The following COBL variants were observed in gnomAD, a reference collection of about 807,000 sequenced individuals.
COBL encodes the protein protein cordon-bleu.
In COBL, 51 loss-of-function variants were observed where a neutral mutation model predicts 98.8. The ratio of observed to expected loss-of-function variants is 0.52; its 90% CI spans 0.41 to 0.65. The LOEUF is 0.65. Among genes scored for constraint, COBL ranks in the 30% least tolerant of loss-of-function variants. The probability of loss-of-function intolerance (pLI) is 0.00; values close to 1 mark genes in which losing one functional copy is unlikely to be tolerated. For missense variants in COBL, 1,617 were observed against 1,617.5 expected (o/e 1.00, Z 0.01); for synonymous variants, 634 against 651.7 (o/e 0.97, Z 0.41).
intron 1 of COBL, among the ~76,000 whole-genome samples, chr7:51,314,691 G>A (rs1405196940): frequency 6.6e-6 from 1 of 152,168 alleles, no homozygotes; most frequent in Non-Finnish European, 1.5e-5. Flanking sequence ...AACAATAGAA[G>A]TTAAAAATAA....
chr7:51,248,408 G>A (rs531568557), intron 1 of COBL, among the ~76,000 whole-genome samples: 1 of 152,100 alleles, frequency 6.6e-6, no homozygotes, highest in Non-Finnish European at 1.5e-5. Flanking sequence ...GGAGACACCA[G>A]CAAGACACTT....
chr7:51,226,572 A>G (rs1250422528), intron 1 of COBL, among the ~76,000 whole-genome samples: 2 of 151,556 alleles, frequency 1.3e-5, no homozygotes, highest in South Asian at 2.2e-4. Flanking sequence ...GTGAGTGAGT[A>G]AGTGAGTGAG....
intron 7 of COBL, among the ~76,000 whole-genome samples, chr7:51,081,098 C>T (rs192290614): frequency 6.0e-5 from 9 of 150,804 alleles, no homozygotes; most frequent in Non-Finnish European, 1.2e-4. Context: ...GGGGCAGGAG[C>T]GGGGCAGGAG....
intron 6 of COBL, among the ~76,000 whole-genome samples, chr7:51,099,123 T>C (rs1159957305): frequency 1.3e-5 from 2 of 150,960 alleles, no homozygotes; most frequent in Non-Finnish European, 2.9e-5. Context: ...AAACAAGTGT[T>C]GGTGAGGATG....
chr7:51,297,689 G>A (rs113365371), intron 1 of COBL, among the ~76,000 whole-genome samples: 1,630 of 152,142 alleles, frequency 0.011, 22 homozygotes, highest in African/African-American at 0.037. Flanking sequence ...CACCATGCCT[G>A]GCCTTGAAAA....
chr7:51,038,533 C>T (rs1000934078), intron 8 of COBL, among the ~76,000 whole-genome samples: 2 of 152,178 alleles, frequency 1.3e-5, no homozygotes, highest in African/African-American at 4.8e-5. Flanking sequence ...GGAGAAATAG[C>T]TAAGAAAACT....
chr7:51,039,136 A>G (rs1215376803), intron 8 of COBL, among the ~76,000 whole-genome samples: 3 of 152,302 alleles, frequency 2.0e-5, no homozygotes, highest in East Asian at 1.9e-4. Context: ...GCACAATGAA[A>G]GAGGAGCTTG....
intron 1 of COBL, among the ~76,000 whole-genome samples, chr7:51,229,070 C>T (rs1794473128): frequency 6.6e-6 from 1 of 152,168 alleles, no homozygotes; most frequent in Non-Finnish European, 1.5e-5. Context: ...GTTTGCTTTG[C>T]CCCCTAAAAG....
Position 51,085,152 on chromosome 7 carries a change from C to G in COBL, c.1096+14G>C. On this transcript the variant is annotated intron_variant, in intron 7 of 12. Transcript: ENST00000265136. ...GCATCCCCGCATGCAGACGGCAGGCCGAGCCTCACTCACCCATCGTGCTCT... is the reference window on the plus strand; with the variant it reads ...GCATCCCCGCATGCAGACGGCAGGCGGAGCCTCACTCACCCATCGTGCTCT... The G allele has an allele frequency of 6.2e-7, 1 of 1,613,546 alleles. No individual in the cohort carries two copies. Among genetic ancestry groups the G allele is most frequent in the Non-Finnish European group, 8.5e-7 (1 of 1,179,908 alleles).
chr7:51,148,223 G>A (rs1785226510), intron 5 of COBL, among the ~76,000 whole-genome samples: 1 of 152,164 alleles, frequency 6.6e-6, no homozygotes. Context: ...TGTGCACAGG[G>A]CAGGTGGGAG....
At chr7:51,243,383 G>C (rs1461844099) in intron 1 of COBL, among the ~76,000 whole-genome samples, 1 of 152,168 alleles carries the variant, frequency 6.6e-6, no homozygotes, top group Admixed American at 6.5e-5. Flanking sequence ...TGATGTCACT[G>C]CCCTCATGGG....
In COBL at chr7:51,132,501, G is replaced by T. The variant is rs144676362; in HGVS notation, c.957+3657C>A. Among the ~76,000 whole-genome samples, 895 of 152,324 alleles carry T rather than the reference G, an allele frequency of 5.9e-3. 3 individuals carry two copies. The highest frequency in any genetic ancestry group is 0.01 in the Non-Finnish European group (703 of 68,030). ...GGATGCCCACCCAGGCATCTGTGTT[G>T]ACAGCCCCTACTCACAATCTTAATC... is the stretch of plus-strand genomic sequence containing the variant. On this transcript the variant is annotated intron_variant, in intron 6 of 12. Transcript: ENST00000265136.
At chr7:51,070,026 A>C (rs1792356967) in intron 7 of COBL, among the ~76,000 whole-genome samples, 1 of 152,086 alleles carries the variant, frequency 6.6e-6, no homozygotes, top group Non-Finnish European at 1.5e-5. Context: ...AGCTTCGTTC[A>C]CGTAATAAAA....
At chr7:51,261,029 C>A (rs1046132288) in intron 1 of COBL, among the ~76,000 whole-genome samples, 1 of 152,198 alleles carries the variant, frequency 6.6e-6, no homozygotes, top group Non-Finnish European at 1.5e-5. Flanking sequence ...TCCAGCCATT[C>A]TCCCCAGAGC....
At chr7:51,291,423 G>C (rs150346981) in intron 1 of COBL, among the ~76,000 whole-genome samples, 5 of 152,298 alleles carry the variant, frequency 3.3e-5, no homozygotes, top group African/African-American at 1.2e-4. Flanking sequence ...TGTCATTAAG[G>C]AATTACTGTC....
At chr7:51,216,806 T>C (rs2129084114) in intron 2 of COBL, among the ~76,000 whole-genome samples, 1 of 152,330 alleles carries the variant, frequency 6.6e-6, no homozygotes, top group African/African-American at 2.4e-5. Context: ...ACTCCTTGCT[T>C]ACCCTATGAA....
At position 51,017,635 on chromosome 7, in the gene COBL, C is replaced by T. The variant is rs912962031; in HGVS notation, c.3769-67G>A. 6 of 1,532,806 alleles carry T rather than the reference C, an allele frequency of 3.9e-6. No individual in the cohort carries two copies. The East Asian group carries it at 9.0e-5, about 23-fold the overall frequency. The allele number at this position is 1,532,806 out of a possible 1,614,324, so 95.0% of individuals were successfully genotyped here. ...AGCCCAGGATGCAGATCTTCTGGTG[C>T]TAGAGAGCTCTGTGCACAGCCACTC... is the stretch of plus-strand genomic sequence containing the variant. On this transcript the variant is annotated intron_variant, in intron 12 of 12. Transcript: ENST00000265136.
intron 1 of COBL, among the ~76,000 whole-genome samples, chr7:51,227,156 C>T (rs1794287545): frequency 6.6e-6 from 1 of 152,204 alleles, no homozygotes; most frequent in African/African-American, 2.4e-5. Flanking sequence ...AGAGAATACT[C>T]TTCAGTGAAG....
At chr7:51,176,409 GAC>G (rs112105124) in intron 5 of COBL, among the ~76,000 whole-genome samples, 66 of 149,182 alleles carry the variant, frequency 4.4e-4, no homozygotes, top group South Asian at 1.3e-3. Flanking sequence ...TACACACACA[GAC>G]ACACACACAC....
Sources: allele counts gnomAD v4.1 joint callset (sites outside exome capture counted in the v4.1 genomes callset), GRCh38; gene constraint gnomAD v4.1.1; transcripts MANE v1.5; gene names NCBI Gene and HGNC (gene_info 2026-07-23, HGNC 2026-07-21).